The following RBFOX1 variants were observed in gnomAD, a reference collection of about 807,000 sequenced individuals.
RBFOX1 encodes RNA binding protein fox-1 homolog 1.
RBFOX1 carries 8 observed loss-of-function variants against 57.7 expected under a neutral mutation model. That is an observed-to-expected ratio of 0.14 (90% CI 0.08 to 0.25). RBFOX1 has a LOEUF of 0.25. Among genes scored for constraint, RBFOX1 ranks in the 10% least tolerant of loss-of-function variants. The probability of loss-of-function intolerance (pLI) is 1.00; values close to 1 mark genes in which losing one functional copy is unlikely to be tolerated. For missense variants in RBFOX1, 611 were observed against 548.5 expected (o/e 1.11, Z -1.14); for synonymous variants, 326 against 222.4 (o/e 1.47, Z -4.15).
chr16:7,515,267 T>C (rs1222772980), intron 4 of RBFOX1, among the ~76,000 whole-genome samples: 1 of 152,126 alleles, frequency 6.6e-6, no homozygotes, highest in African/African-American at 2.4e-5. Flanking sequence ...GAAGTTTTTT[T>C]TTTTTTTTAA....
At chr16:5,591,694 C>T (rs980346488) in intron 2 of RBFOX1, among the ~76,000 whole-genome samples, 2 of 152,160 alleles carry the variant, frequency 1.3e-5, no homozygotes, top group African/African-American at 2.4e-5. Flanking sequence ...GTTTTCTCCC[C>T]GTCATTCCAT....
chr16:7,063,190 C>A (rs542141545), intron 4 of RBFOX1, among the ~76,000 whole-genome samples: 70 of 152,026 alleles, frequency 4.6e-4, no homozygotes, highest in African/African-American at 1.6e-3. Flanking sequence ...ATTTGTACAT[C>A]TTTTTGGGTC....
intron 1 of RBFOX1, among the ~76,000 whole-genome samples, chr16:5,362,958 A>G (rs1462883910): frequency 6.6e-6 from 1 of 151,676 alleles, no homozygotes; most frequent in African/African-American, 2.4e-5. Context: ...TTGTTTTTAA[A>G]CCTTGGCTAT....
chr16:6,973,935 A>G (rs747434703), intron 3 of RBFOX1, among the ~76,000 whole-genome samples: 2 of 151,964 alleles, frequency 1.3e-5, no homozygotes, highest in Non-Finnish European at 2.9e-5. Flanking sequence ...CGTCCCCTCC[A>G]TCTCCCAGCA....
chr16:5,680,448 A>T (rs776547832), intron 3 of RBFOX1, among the ~76,000 whole-genome samples: 14 of 152,142 alleles, frequency 9.2e-5, no homozygotes, highest in Non-Finnish European at 1.2e-4. Context: ...TCCACTGTAT[A>T]CCTGGAATTG....
intron 3 of RBFOX1, among the ~76,000 whole-genome samples, chr16:5,609,498 A>T (rs887869754): frequency 6.6e-6 from 1 of 152,078 alleles, no homozygotes; most frequent in African/African-American, 2.4e-5. Flanking sequence ...CTTCTTGTGG[A>T]GACAAAGGGC....
In RBFOX1 at chr16:6,994,786, C is replaced by T. The variant is rs566251405; in HGVS notation, c.-15-57271C>T. Among the ~76,000 whole-genome samples, 8 of 152,166 alleles carry T rather than the reference C, an allele frequency of 5.3e-5. No homozygotes were observed. The South Asian group carries it at 8.3e-4, about 16-fold the overall frequency. On this transcript the variant is annotated intron_variant, in intron 3 of 15. Transcript: ENST00000550418. ...TGCTTGAAACATTTATATATGTTAC[C>T]GACCAAATTGCATGGAAACGATTTG...
intron 4 of RBFOX1, among the ~76,000 whole-genome samples, chr16:7,372,186 C>T (rs2097578629): frequency 6.6e-6 from 1 of 152,082 alleles, no homozygotes; most frequent in African/African-American, 2.4e-5. Flanking sequence ...CTATTCAATT[C>T]ACATCACTTT....
intron 1 of RBFOX1, among the ~76,000 whole-genome samples, chr16:5,424,559 G>C (rs942510525): frequency 1.3e-5 from 2 of 150,608 alleles, no homozygotes; most frequent in African/African-American, 4.9e-5. Flanking sequence ...TTATTTTATA[G>C]CTAACGCATG....
At chr16:5,589,235 A>G (rs1235322107) in intron 2 of RBFOX1, among the ~76,000 whole-genome samples, 2 of 152,152 alleles carry the variant, frequency 1.3e-5, no homozygotes, top group East Asian at 3.9e-4. Flanking sequence ...GGTGGAGGGA[A>G]CATGAGTGTA....
rs148339913 is a variant in RBFOX1 at position 6,031,521 on chromosome 16, C to T, written c.-127+11529C>T. 7.9e-5 allele frequency among the ~76,000 whole-genome samples: 12 copies of T among 152,302 alleles called. No homozygotes were observed. In the East Asian group the frequency reaches 2.3e-3, roughly 29 times the overall value. Reference sequence around the variant, plus strand: ...TGCCAGAAAAGCAATGTGTGTGCCTCTGTGTGTGCATGTGTAGATGTGTAC... The same window carrying T: ...TGCCAGAAAAGCAATGTGTGTGCCTTTGTGTGTGCATGTGTAGATGTGTAC... On this transcript the variant is annotated intron_variant, in intron 1 of 15. Coordinates refer to ENST00000550418, the MANE Select transcript of RBFOX1 (RefSeq NM_018723.4).
intron 4 of RBFOX1, among the ~76,000 whole-genome samples, chr16:7,471,135 G>A (rs2061484092): frequency 6.6e-6 from 1 of 152,022 alleles, no homozygotes; most frequent in East Asian, 1.9e-4. Context: ...TTGTTTATTT[G>A]CCATTATTCT....
chr16:6,931,597 C>T (rs887420178), intron 3 of RBFOX1, among the ~76,000 whole-genome samples: 1 of 152,062 alleles, frequency 6.6e-6, no homozygotes, highest in East Asian at 1.9e-4. Flanking sequence ...ACAACATATC[C>T]CACCCCACAA....
chr16:6,421,808 C>T (rs529689932), intron 2 of RBFOX1, among the ~76,000 whole-genome samples: 13 of 152,004 alleles, frequency 8.6e-5, no homozygotes, highest in South Asian at 2.1e-4. Flanking sequence ...TACCATAAAC[C>T]CAGTCAGACT....
chr16:7,210,497 C>A (rs191902214), intron 4 of RBFOX1, among the ~76,000 whole-genome samples: 10 of 152,262 alleles, frequency 6.6e-5, no homozygotes, highest in African/African-American at 2.4e-4. Flanking sequence ...AGGTGTTATT[C>A]ATATCTATAA....
intron 14 of RBFOX1, among the ~76,000 whole-genome samples, chr16:7,690,324 C>G (rs1374417177): frequency 6.6e-6 from 1 of 152,228 alleles, no homozygotes; most frequent in South Asian, 2.1e-4. Flanking sequence ...ATTAGAATCA[C>G]TTGGAAGCAT....
intron 2 of RBFOX1, among the ~76,000 whole-genome samples, chr16:6,393,648 C>G (rs1345723858): frequency 6.6e-6 from 1 of 152,176 alleles, no homozygotes; most frequent in African/African-American, 2.4e-5. Flanking sequence ...CCACTCATTT[C>G]CTTCCATCTT....
chr16:7,295,010 A>AGG (rs1168509990), intron 4 of RBFOX1, among the ~76,000 whole-genome samples: 14 of 152,200 alleles, frequency 9.2e-5, no homozygotes, highest in Non-Finnish European at 1.8e-4. Context: ...TGTGAAGATC[A>AGG]GAAAAAAATT....
At position 7,609,966 on chromosome 16, in the gene RBFOX1, C is replaced by T. The variant is rs1031628245; in HGVS notation, c.676+2628C>T. On this transcript the variant is annotated intron_variant, in intron 10 of 15. Coordinates refer to ENST00000550418, the MANE Select transcript of RBFOX1 (RefSeq NM_018723.4). ...CTGAGTAGCTGGGACTACAGGTATCCGCCACCATGCCCGGCTAATTTTTGT... is the reference window on the plus strand; with the variant it reads ...CTGAGTAGCTGGGACTACAGGTATCTGCCACCATGCCCGGCTAATTTTTGT... Among the ~76,000 whole-genome samples the T allele has an allele frequency of 7.3e-5, 11 of 151,244 alleles. No individual in the cohort carries two copies. The South Asian group carries it at 8.4e-4, about 12-fold the overall frequency.
Sources: gnomAD v4.1 joint callset for allele counts (sites outside exome capture counted in the v4.1 genomes callset) on GRCh38, gnomAD v4.1.1 for gene constraint, MANE v1.5 for transcripts, NCBI Gene and HGNC (gene_info 2026-07-23, HGNC 2026-07-21) for gene names.